The following CALN1 variants were observed in gnomAD, a reference collection of about 807,000 sequenced individuals.
The protein encoded by CALN1 is calcium-binding protein 8.
CALN1 carries 17 observed loss-of-function variants against 30.6 expected under a neutral mutation model. The observed-to-expected ratio is 0.56, with a 90% CI of 0.38 to 0.83. CALN1 has a LOEUF of 0.83. CALN1 is among the 40% of genes least tolerant of loss of function. The pLI is 0.00. For missense variants in CALN1, 291 were observed against 354.9 expected (o/e 0.82, Z 1.45); for synonymous variants, 156 against 131.4 (o/e 1.19, Z -1.28).
intron 2 of CALN1, among the ~76,000 whole-genome samples, chr7:72,382,446 G>A (rs1272109072): frequency 1.3e-5 from 2 of 152,212 alleles, no homozygotes; most frequent in African/African-American, 4.8e-5. Flanking sequence ...CCTGGTGACT[G>A]TTATTAGAAT....
intron 5 of CALN1, among the ~76,000 whole-genome samples, chr7:71,893,466 C>T (rs960252435): frequency 3.3e-5 from 5 of 152,024 alleles, no homozygotes; most frequent in South Asian, 2.1e-4. Context: ...GCAAGGTGAG[C>T]GGATCACTTG....
intron 2 of CALN1, among the ~76,000 whole-genome samples, chr7:72,281,199 A>C: frequency 6.6e-6 from 1 of 151,134 alleles, no homozygotes; most frequent in Non-Finnish European, 1.5e-5. Context: ...TCTCTCTAAC[A>C]CTCATGCTCT....
chr7:72,307,519 G>A (rs375750546), intron 2 of CALN1, among the ~76,000 whole-genome samples: 1 of 152,160 alleles, frequency 6.6e-6, no homozygotes, highest in African/African-American at 2.4e-5. Flanking sequence ...TGTGATCCTC[G>A]GATGGTATCA....
chr7:72,413,249 T>G (rs1211965037), upstream of CALN1, among the ~76,000 whole-genome samples: 1 of 148,696 alleles, frequency 6.7e-6, no homozygotes, highest in African/African-American at 2.5e-5. Context: ...ACACCACACA[T>G]ACACACATAT....
chr7:72,206,119 T>G (rs566479382), intron 3 of CALN1, among the ~76,000 whole-genome samples: 1 of 152,346 alleles, frequency 6.6e-6, no homozygotes, highest in East Asian at 1.9e-4. Context: ...TTTTGTTTTT[T>G]GAATAACGTA....
rs544948802 is a variant in CALN1 at position 72,420,745 on chromosome 7, G to C, written c.-225-8470C>G. ...TTCACGCCATTCTCCTCCCTCAGTC[G>C]AGTAGCTGGGACTACAGGAGCCCGC... On this transcript the variant is annotated intron_variant, in intron 1 of 6. Coordinates refer to the CALN1 transcript ENST00000395276. 1.2e-3 allele frequency among the ~76,000 whole-genome samples: 174 copies of C among 150,592 alleles called. 1 individual carries two copies. Among genetic ancestry groups the C allele is most frequent in the African/African-American group, 3.8e-3 (157 of 40,938 alleles).
At chr7:72,412,339 C>T (rs568084454), upstream of CALN1, 3 of 152,130 alleles carry the variant, frequency 2.0e-5, no homozygotes, top group African/African-American at 7.2e-5. Context: ...AGCGAGCTTC[C>T]CCAGCGGGCT....
intron 5 of CALN1, among the ~76,000 whole-genome samples, chr7:71,908,587 C>T (rs183020888): frequency 9.2e-5 from 14 of 152,142 alleles, no homozygotes; most frequent in African/African-American, 2.2e-4. Context: ...TAAAAGGACA[C>T]GGAAATGCAC....
intron 1 of CALN1, among the ~76,000 whole-genome samples, chr7:72,409,842 C>G (rs1806990151): frequency 6.6e-6 from 1 of 152,098 alleles, no homozygotes; most frequent in South Asian, 2.1e-4. Context: ...CGTTGGGCAT[C>G]AAGTTACAGT....
chr7:72,260,117 A>G (rs1796166555), intron 3 of CALN1, among the ~76,000 whole-genome samples: 2 of 152,186 alleles, frequency 1.3e-5, no homozygotes, highest in Admixed American at 1.3e-4. Flanking sequence ...CTGTAGTTCT[A>G]GAGGCCAGGA....
chr7:71,931,962 A>G (rs1038197449), intron 5 of CALN1, among the ~76,000 whole-genome samples: 1 of 152,158 alleles, frequency 6.6e-6, no homozygotes, highest in Non-Finnish European at 1.5e-5. Context: ...GGCAGTTGGC[A>G]TGCAGTTTGC....
chr7:71,787,535 A>C lies in CALN1; in HGVS notation c.*240T>G, dbSNP rs927666149. 4.5e-6 allele frequency: 2 copies of C among 442,124 alleles called. No individual in the cohort carries two copies. The highest frequency in any genetic ancestry group is 8.1e-6 in the Non-Finnish European group (2 of 247,068). The allele number at this position is 442,124 out of a possible 1,614,324, so 27.4% of individuals were successfully genotyped here. On this transcript the variant is annotated 3_prime_UTR_variant, in exon 7 of 7. Coordinates refer to ENST00000395275, the MANE Select transcript of CALN1 (RefSeq NM_031468.4). ...AATAATTTGGAAATCCTGGCGATTT[A>C]TTGCATTAGAAAACAAAACCATTAA...
chr7:71,890,568 G>GA (rs1275967424), intron 5 of CALN1, among the ~76,000 whole-genome samples: 2 of 151,462 alleles, frequency 1.3e-5, no homozygotes, highest in Admixed American at 6.6e-5. Flanking sequence ...ATATAAAATA[G>GA]AAAAAATTAT....
intron 4 of CALN1, among the ~76,000 whole-genome samples, chr7:72,072,468 A>C (rs188885741): frequency 2.8e-3 from 423 of 152,366 alleles, no homozygotes; most frequent in African/African-American, 9.8e-3. Flanking sequence ...ACAAAAGCTG[A>C]GGCAGTTTGT....
intron 3 of CALN1, among the ~76,000 whole-genome samples, chr7:72,141,974 A>C (rs1809974838): frequency 6.6e-6 from 1 of 152,186 alleles, no homozygotes; most frequent in Non-Finnish European, 1.5e-5. Flanking sequence ...TTTCAGGTTG[A>C]AATATGATCT....
chr7:72,468,470 C>T, the CALN1 span, among the ~76,000 whole-genome samples: 2 of 152,174 alleles, frequency 1.3e-5, no homozygotes, highest in African/African-American at 4.8e-5. Context: ...TGTGCCAACA[C>T]TACCGGTTAA....
chr7:72,001,553 G>A (rs941185378), intron 5 of CALN1, among the ~76,000 whole-genome samples: 6 of 152,218 alleles, frequency 3.9e-5, no homozygotes, highest in Non-Finnish European at 8.8e-5. Flanking sequence ...GACCCTGGAA[G>A]TATGCCAACA....
At chr7:72,411,194 T>C (rs1461587396) in intron 1 of CALN1, among the ~76,000 whole-genome samples, 1 of 152,172 alleles carries the variant, frequency 6.6e-6, no homozygotes, top group Non-Finnish European at 1.5e-5. Context: ...AGCAATTCCT[T>C]AAAATAGAAA....
chr7:71,971,953 A>AAAAAAAAAAAAAAAAAGAAAGAAAG (rs1797839188), intron 5 of CALN1, among the ~76,000 whole-genome samples: 1 of 72,838 alleles, frequency 1.4e-5, no homozygotes, highest in Non-Finnish European at 2.2e-5. Context: ...AAAAAAAAAA[A>AAAAAAAAAAAAAAAAAGAAAGAAAG]AAAGAAAGAA....
Sources: allele counts gnomAD v4.1 joint callset (sites outside exome capture counted in the v4.1 genomes callset), GRCh38; gene constraint gnomAD v4.1.1; transcripts MANE v1.5; gene names NCBI Gene and HGNC (gene_info 2026-07-23, HGNC 2026-07-21).